FAM168A: variants seen among roughly 807,000 people sequenced by gnomAD.
The protein encoded by FAM168A is family with sequence similarity 168 member A, also known as protein FAM168A.
A neutral mutation model predicts 28.5 loss-of-function variants in FAM168A; 3 were observed. The observed-to-expected ratio is 0.11, with a 90% CI of 0.05 to 0.27. The LOEUF is 0.27. Among genes scored for constraint, FAM168A ranks in the 10% least tolerant of loss-of-function variants. The probability of loss-of-function intolerance (pLI) is 1.00; values close to 1 mark genes in which losing one functional copy is unlikely to be tolerated. For missense variants in FAM168A, 222 were observed against 311.5 expected, an observed-to-expected ratio of 0.71 and a Z score of 2.16; for synonymous variants, 122 against 124.2, an observed-to-expected ratio of 0.98 and a Z score of 0.12.
In FAM168A at chr11:73,595,172, C is replaced by T. The variant is rs568301146; in HGVS notation, c.-19+2751G>A. On this transcript the variant is annotated intron_variant, in intron 1 of 7. Coordinates refer to ENST00000356467, the MANE Select transcript of FAM168A (RefSeq NM_015159.3). ...CAAGCCTGCAGATCTGCAAAAACAA[C>T]GTCTAGACCTCAGAGTAAAGTTATG... is the stretch of plus-strand genomic sequence containing the variant. 3.3e-5 allele frequency among the ~76,000 whole-genome samples: 5 copies of T among 152,258 alleles called. No individual in the cohort carries two copies. The South Asian group carries it at 6.2e-4, about 19-fold the overall frequency.
intron 1 of FAM168A, among the ~76,000 whole-genome samples, chr11:73,591,782 T>C (rs1944385169): frequency 6.6e-6 from 1 of 152,196 alleles, no homozygotes; most frequent in Non-Finnish European, 1.5e-5. Flanking sequence ...AATCCTGGGA[T>C]TACAGGTGTG....
chr11:73,563,874 G>T (rs145589995), intron 1 of FAM168A, among the ~76,000 whole-genome samples: 3 of 152,308 alleles, frequency 2.0e-5, no homozygotes, highest in Admixed American at 2.0e-4. Flanking sequence ...AAACAAACTG[G>T]TTTAAGCAAA....
intron 4 of FAM168A, among the ~76,000 whole-genome samples, chr11:73,419,232 TCTGA>T (rs1241305696): frequency 6.6e-6 from 1 of 152,224 alleles, no homozygotes; most frequent in African/African-American, 2.4e-5. Context: ...ATATGACCAG[TCTGA>T]CTGGCTAGCT....
intron 2 of FAM168A, among the ~76,000 whole-genome samples, chr11:73,441,405 G>A (rs1867192747): frequency 6.6e-6 from 1 of 152,184 alleles, no homozygotes; most frequent in Admixed American, 6.5e-5. Flanking sequence ...GTGTTGGATA[G>A]GACCCAAAAC....
intron 2 of FAM168A, among the ~76,000 whole-genome samples, chr11:73,440,002 C>A (rs1465500314): frequency 6.6e-6 from 1 of 150,982 alleles, no homozygotes; most frequent in Admixed American, 6.6e-5. Context: ...TCTCCTGCCT[C>A]AGCCTCCTGA....
At chr11:73,431,129 G>A (rs1866984538) in intron 2 of FAM168A, among the ~76,000 whole-genome samples, 1 of 152,098 alleles carries the variant, frequency 6.6e-6, no homozygotes, top group African/African-American at 2.4e-5. Context: ...GGATCACGAG[G>A]TCAGAAGTTC....
intron 1 of FAM168A, among the ~76,000 whole-genome samples, chr11:73,533,709 A>G (rs554883012): frequency 6.2e-4 from 95 of 152,334 alleles, no homozygotes; most frequent in African/African-American, 2.1e-3. Flanking sequence ...AAAGCAGACT[A>G]GCTGATGTTC....
At chr11:73,487,997 C>A (rs986391828) in intron 1 of FAM168A, among the ~76,000 whole-genome samples, 1 of 152,152 alleles carries the variant, frequency 6.6e-6, no homozygotes, top group Non-Finnish European at 1.5e-5. Flanking sequence ...TAAACCACAA[C>A]CCTGGTTAAA....
intron 1 of FAM168A, among the ~76,000 whole-genome samples, chr11:73,509,835 T>C (rs187333095): frequency 1.3e-5 from 2 of 152,286 alleles, no homozygotes; most frequent in Admixed American, 1.3e-4. Context: ...ATGCCATCTA[T>C]GTAAATTCAA....
At chr11:73,488,153 C>T (rs1262258763) in intron 1 of FAM168A, among the ~76,000 whole-genome samples, 3 of 149,506 alleles carry the variant, frequency 2.0e-5, no homozygotes, top group African/African-American at 7.4e-5. Context: ...TCTTTTTAGA[C>T]GAAGTCTCAC....
chr11:73,422,869 G>A (rs1056132893), intron 3 of FAM168A, among the ~76,000 whole-genome samples: 3 of 152,198 alleles, frequency 2.0e-5, no homozygotes, highest in African/African-American at 4.8e-5. Flanking sequence ...CAGGTGCTGG[G>A]TTGTTCACTT....
At position 73,419,915 on chromosome 11, in the gene FAM168A, C is replaced by T; in HGVS notation, c.236G>A (p.Gly79Glu). The change falls in exon 4 of 8, where the codon GGG becomes GAG. Residue 79 changes from glycine to glutamate, a missense_variant. This residue lies in a region of FAM168A where 153 missense variants were observed against 189.2 expected (regional missense o/e 0.81). Coordinates refer to ENST00000356467, the MANE Select transcript of FAM168A (RefSeq NM_015159.3). The part of the protein sequence containing the change: ...EGTFHLPVDT[G>E]TENRTYQASS... ...TGCTTGGTAAGTTCGGTTCTCGGTC[C>T]CGGTGTCCACTGGGAGGTGGAAGGT... The T allele has an allele frequency of 6.2e-7, 1 of 1,614,018 alleles. No homozygotes were observed. The highest frequency in any genetic ancestry group is 8.5e-7 in the Non-Finnish European group (1 of 1,179,980).
chr11:73,535,722 C>CT (rs59312114), intron 1 of FAM168A, among the ~76,000 whole-genome samples: 18,547 of 116,828 alleles, frequency 0.16, 1,716 homozygotes, highest in African/African-American at 0.27. Flanking sequence ...CCTCACCCTT[C>CT]TTTTTTTTTT....
At chr11:73,522,548 G>T (rs1247876353) in intron 1 of FAM168A, among the ~76,000 whole-genome samples, 1 of 151,890 alleles carries the variant, frequency 6.6e-6, no homozygotes, top group Non-Finnish European at 1.5e-5. Flanking sequence ...GTGTTAGCCA[G>T]GATGGTACCA....
At chr11:73,542,445 C>T (rs893466450) in intron 1 of FAM168A, among the ~76,000 whole-genome samples, 1 of 152,192 alleles carries the variant, frequency 6.6e-6, no homozygotes, top group Admixed American at 6.5e-5. Context: ...TCTAATCTAT[C>T]AGCAAATTCT....
intron 3 of FAM168A, among the ~76,000 whole-genome samples, chr11:73,424,486 AGCACGCTGC>A (rs535412706): frequency 6.1e-4 from 93 of 151,984 alleles, no homozygotes; most frequent in African/African-American, 2.1e-3. Flanking sequence ...CTCATTTATC[AGCACGCTGC>A]CCCCCCCACC....
rs776745757 is a variant in FAM168A at position 73,445,419 on chromosome 11, C to CTCTCTCTCTTTTT, written c.71-14650_71-14649insAAAAAGAGAGAGA. Reference sequence around the variant, plus strand: ...CCAGTAGATATATGTAAAAATGTCTCTTTTTTTTTTTTTTTTTTTTTTTTT... The same window carrying CTCTCTCTCTTTTT: ...CCAGTAGATATATGTAAAAATGTCTCTCTCTCTCTTTTTTTTTTTTTTTTTTTTTTTTTTTTTT... On this transcript the variant is annotated intron_variant, in intron 2 of 7. Transcript: ENST00000356467. Among the ~76,000 whole-genome samples the CTCTCTCTCTTTTT allele has an allele frequency of 4.4e-4, 22 of 50,464 alleles. 1 individual carries two copies. The highest frequency in any genetic ancestry group is 1.3e-3 in the African/African-American group (18 of 14,036). The allele number at this position is 50,464 out of a possible 152,430, so 33.1% of individuals were successfully genotyped here.
intron 1 of FAM168A, among the ~76,000 whole-genome samples, chr11:73,524,349 C>T (rs1256895605): frequency 6.6e-6 from 1 of 151,826 alleles, no homozygotes; most frequent in Non-Finnish European, 1.5e-5. Flanking sequence ...ATTTCTTTCA[C>T]TTCATAAGCC....
At chr11:73,459,873 A>T (rs561012363) in intron 2 of FAM168A, among the ~76,000 whole-genome samples, 1 of 149,200 alleles carries the variant, frequency 6.7e-6, no homozygotes, top group Admixed American at 6.7e-5. Flanking sequence ...CAGATAATCC[A>T]AATGAATTTT....
Sources: gnomAD v4.1 joint callset for allele counts (sites outside exome capture counted in the v4.1 genomes callset) on GRCh38, gnomAD v4.1.1 for gene constraint, gnomAD v4.1.1 regional missense constraint, MANE v1.5 for transcripts, NCBI Gene and HGNC (gene_info 2026-07-23, HGNC 2026-07-21) for gene names.